The following OTOGL variants were observed in gnomAD, a reference collection of about 807,000 sequenced individuals.
The protein encoded by OTOGL is otogelin-like protein.
OTOGL carries 285 observed loss-of-function variants against 318.5 expected under a neutral mutation model. That is an observed-to-expected ratio of 0.89 (90% CI 0.81 to 0.99). OTOGL has a LOEUF of 0.99. Among genes scored for constraint, OTOGL ranks in the 50% least tolerant of loss-of-function variants. The pLI, the probability that OTOGL is intolerant of heterozygous loss-of-function variation, is 0.00. For synonymous variants in OTOGL, 987 were observed against 936.5 expected, an observed-to-expected ratio of 1.05 and a Z score of -0.99; for missense variants, 2,899 against 2,845.6, an observed-to-expected ratio of 1.02 and a Z score of -0.43.
chr12:80,190,786 C>CAAAAAAAAA (rs55950528), intron 1 of OTOGL, among the ~76,000 whole-genome samples: 1 of 73,676 alleles, frequency 1.4e-5, no homozygotes, highest in African/African-American at 7.9e-5. Flanking sequence ...GACTCCGTCT[C>CAAAAAAAAA]AAAAAAAAAA....
At chr12:80,154,318 G>GA (rs759499535) in intron 1 of OTOGL, among the ~76,000 whole-genome samples, 2 of 150,714 alleles carry the variant, frequency 1.3e-5, no homozygotes, top group South Asian at 2.1e-4. Context: ...AAAAGGGGGG[G>GA]AAAAAGAAAG....
intron 38 of OTOGL, among the ~76,000 whole-genome samples, chr12:80,334,807 G>A (rs1050453185): frequency 2.6e-5 from 4 of 152,164 alleles, no homozygotes; most frequent in Admixed American, 6.5e-5. Flanking sequence ...TAGAGTGGTA[G>A]GTCTAAAATC....
intron 11 of OTOGL, among the ~76,000 whole-genome samples, chr12:80,242,031 C>G (rs950076528): frequency 3.3e-5 from 5 of 152,158 alleles, no homozygotes; most frequent in Non-Finnish European, 7.4e-5. Flanking sequence ...AACTTGGATA[C>G]ATGGCCACAC....
chr12:80,237,338 T>C (rs1003957595), intron 9 of OTOGL, among the ~76,000 whole-genome samples: 2 of 152,056 alleles, frequency 1.3e-5, no homozygotes, highest in African/African-American at 4.8e-5. Flanking sequence ...TTGTGAGCAA[T>C]AGCAGCCATT....
intron 1 of OTOGL, among the ~76,000 whole-genome samples, chr12:80,122,738 A>G (rs1397598521): frequency 6.6e-6 from 1 of 152,164 alleles, no homozygotes; most frequent in Non-Finnish European, 1.5e-5. Context: ...TTATGGAAAC[A>G]GTATGCAAAC....
intron 49 of OTOGL, among the ~76,000 whole-genome samples, 176 bp from the exon 50 acceptor site, chr12:80,358,072 G>A (rs1012072355): frequency 6.6e-6 from 1 of 152,110 alleles, no homozygotes; most frequent in Admixed American, 6.5e-5. Flanking sequence ...AAAGCATAAG[G>A]CAATATACTC....
In OTOGL at chr12:80,262,229, A is replaced by C. The variant is rs111624452; in HGVS notation, c.2014+136A>C. ...GTAAAATCAATGCCATTCCTCGTGT[A>C]TTTTTTTTTTGCTTAATATTATGCC... On this transcript the variant is annotated intron_variant, in intron 19 of 58. Transcript: ENST00000547103. The C allele has an allele frequency of 6.0e-4, 522 of 872,664 alleles. 4 individuals are homozygous for C. In the African/African-American group the frequency reaches 8.3e-3, roughly 14 times the overall value. 54.1% of individuals were successfully genotyped at this position (872,664 alleles called of 1,614,324 possible). A position where few individuals can be genotyped will look rare whatever the true frequency, so the allele number is the denominator to read the frequency against.
At chr12:80,258,997 T>C (rs1217523690) in intron 18 of OTOGL, among the ~76,000 whole-genome samples, 3 of 152,100 alleles carry the variant, frequency 2.0e-5, no homozygotes. Context: ...TGTGAGGTGA[T>C]GCACATGTTC....
rs1482428150 is a variant in OTOGL at position 80,366,577 on chromosome 12, G to T, written c.6271G>T (p.Glu2091Ter). Residue 2091 changes from glutamate (E) to a stop codon, truncating the protein, a stop_gained, in exon 53 of 59, where the codon GAA becomes TAA. Coordinates refer to ENST00000547103, the MANE Select transcript of OTOGL (RefSeq NM_001378609.3). LOFTEE classifies it high-confidence loss of function. ...NLIMPTCEVG[E>*]FTAIDHNFQS... ...AATAGTAGTATATTTTCAATAGGGA[G>T]AATTTACTGCAATAGACCATAACTT... is the stretch of plus-strand genomic sequence containing the variant. 9 of 1,317,142 alleles carry T rather than the reference G, an allele frequency of 6.8e-6. No individual in the cohort carries two copies. The highest frequency in any genetic ancestry group is 8.9e-6 in the Non-Finnish European group (9 of 1,011,300). 81.6% of individuals were successfully genotyped at this position (1,317,142 alleles called of 1,614,324 possible). A position where few individuals can be genotyped will look rare whatever the true frequency, so the allele number is the denominator to read the frequency against.
intron 33 of OTOGL, 92 bp downstream of exon 33, chr12:80,318,805 A>G: frequency 1.0e-6 from 1 of 984,342 alleles, no homozygotes; most frequent in Non-Finnish European, 1.3e-6. Flanking sequence ...TAATATGTTT[A>G]TGGTATTTTT....
chr12:80,281,645 C>T (rs1884244639), intron 26 of OTOGL, among the ~76,000 whole-genome samples: 1 of 151,640 alleles, frequency 6.6e-6, no homozygotes, highest in Non-Finnish European at 1.5e-5. Flanking sequence ...GGGATATTGG[C>T]CTGAAGTTTT....
chr12:80,371,877 A>T (rs1890893175), intron 56 of OTOGL, 142 bp from the exon 57 acceptor site: 2 of 440,568 alleles, frequency 4.5e-6, no homozygotes, highest in South Asian at 7.1e-5. Flanking sequence ...CTTTTTAGTA[A>T]TAGTTAAATT....
chr12:80,126,875 T>G (rs564668155), intron 1 of OTOGL, among the ~76,000 whole-genome samples: 119 of 152,312 alleles, frequency 7.8e-4, no homozygotes, highest in African/African-American at 2.2e-3. Flanking sequence ...CCTGCCTTTT[T>G]TTGTTTTCCA....
chr12:80,367,739 T>G lies in OTOGL; in HGVS notation c.6510T>G (p.Val2170=). 4 of 1,388,300 alleles carry G rather than the reference T, an allele frequency of 2.9e-6. No individual in the cohort carries two copies. The highest frequency in any genetic ancestry group is 3.8e-6 in the Non-Finnish European group (4 of 1,056,218). 86.0% of individuals were successfully genotyped at this position (1,388,300 alleles called of 1,614,324 possible). ...TLVNCSKKCD[V]HQVYTPSPSD... ...TGAATTGTTCAAAAAAATGTGATGT[T>G]GTAAGTATTCCTTGTAATTTATTCT... The change falls in exon 54 of 59, where the codon GTT becomes GTG. Residue 2170 remains valine (V), a splice_region_variant and synonymous_variant. Coordinates refer to ENST00000547103, the MANE Select transcript of OTOGL (RefSeq NM_001378609.3).
intron 1 of OTOGL, among the ~76,000 whole-genome samples, chr12:80,115,509 C>A (rs184330737): frequency 6.6e-6 from 1 of 152,194 alleles, no homozygotes; most frequent in East Asian, 1.9e-4. Context: ...GTCTCCCCAT[C>A]AGTAGGCATG....
At chr12:80,340,802 A>T (rs1340033077) in intron 43 of OTOGL, among the ~76,000 whole-genome samples, 1 of 152,158 alleles carries the variant, frequency 6.6e-6, no homozygotes, top group Non-Finnish European at 1.5e-5. Context: ...TTGACATCTT[A>T]TTCTACACAG....
intron 22 of OTOGL, among the ~76,000 whole-genome samples, chr12:80,268,822 C>T (rs6539496): frequency 0.64 from 96,889 of 151,396 alleles, 34,442 homozygotes; most frequent in East Asian, 0.89. Flanking sequence ...GTGTTCTTGC[C>T]TCTAGTTTTT....
Position 80,320,697 on chromosome 12 carries a change from G to T in OTOGL, c.4078G>T (p.Glu1360Ter). ...EFKHSSSFSIEEIQAAVPYRK... is the reference protein window; with the variant it reads ...EFKHSSSFSI ...TAAACATTCAAGTAGCTTCAGCATA[G>T]AAGGTATGTTTCCTGAGATCTCCAA... is the stretch of plus-strand genomic sequence containing the variant. Residue 1360 changes from glutamate (E) to a stop codon, truncating the protein, a stop_gained, in exon 34 of 59, where the codon GAA (glutamate) becomes TAA (stop). Coordinates refer to ENST00000547103, the MANE Select transcript of OTOGL (RefSeq NM_001378609.3). LOFTEE classifies it high-confidence loss of function. The T allele has an allele frequency of 6.3e-7, 1 of 1,595,368 alleles. No homozygotes were observed. The highest frequency in any genetic ancestry group is 1.1e-5 in the South Asian group (1 of 88,268).
chr12:80,354,178 C>T (rs923024474), intron 46 of OTOGL, among the ~76,000 whole-genome samples: 2 of 152,180 alleles, frequency 1.3e-5, no homozygotes, highest in Non-Finnish European at 2.9e-5. Flanking sequence ...TTAGTTCTAG[C>T]AGAAATGGAA....
Sources: gnomAD v4.1 joint callset for allele counts (sites outside exome capture counted in the v4.1 genomes callset) on GRCh38, gnomAD v4.1.1 for gene constraint, MANE v1.5 for transcripts, NCBI Gene and HGNC (gene_info 2026-07-23, HGNC 2026-07-21) for gene names.